The following BICC1 variants were observed in gnomAD, a reference collection of about 807,000 sequenced individuals.
BICC1 encodes BicC family RNA binding protein 1.
BICC1 carries 43 observed loss-of-function variants against 111.0 expected under a neutral mutation model. That is an observed-to-expected ratio of 0.39 (90% confidence interval 0.30 to 0.50). BICC1 has a LOEUF of 0.50. BICC1 is among the 20% of genes least tolerant of loss of function. BICC1 has a pLI of 0.88. For synonymous variants in BICC1, 467 were observed against 434.4 expected (o/e 1.07, Z -0.93); for missense variants, 1,091 against 1,203.2 (o/e 0.91, Z 1.38).
At chr10:58,756,840 C>G (rs879660377) in intron 3 of BICC1, among the ~76,000 whole-genome samples, 9 of 152,126 alleles carry the variant, frequency 5.9e-5, no homozygotes, top group Non-Finnish European at 1.3e-4. Context: ...AAAGCGATAA[C>G]TTTCTAGTCT....
intron 1 of BICC1, among the ~76,000 whole-genome samples, chr10:58,616,530 G>A (rs747719392): frequency 3.3e-5 from 5 of 152,194 alleles, no homozygotes; most frequent in Non-Finnish European, 7.3e-5. Context: ...GGAACTGGCT[G>A]AGGTTCGACT....
intron 1 of BICC1, among the ~76,000 whole-genome samples, chr10:58,590,137 A>G (rs1280330937): frequency 6.6e-6 from 1 of 152,212 alleles, no homozygotes; most frequent in African/African-American, 2.4e-5. Context: ...AGCATGGAGC[A>G]GAAGTCTTGA....
At chr10:58,671,530 G>A (rs1448658328) in intron 2 of BICC1, among the ~76,000 whole-genome samples, 1 of 152,132 alleles carries the variant, frequency 6.6e-6, no homozygotes, top group Non-Finnish European at 1.5e-5. Context: ...TGCCTTGGGT[G>A]TTACCTGTCT....
chr10:58,780,305 C>T (rs1184362976), intron 3 of BICC1, among the ~76,000 whole-genome samples: 1 of 152,144 alleles, frequency 6.6e-6, no homozygotes, highest in Non-Finnish European at 1.5e-5. Context: ...AAGTACAACT[C>T]TGATACGATA....
At chr10:58,754,724 T>A (rs1380734870) in intron 3 of BICC1, among the ~76,000 whole-genome samples, 2 of 151,436 alleles carry the variant, frequency 1.3e-5, no homozygotes, top group African/African-American at 4.9e-5. Context: ...CTGTACTGTA[T>A]GGGCTTTAGG....
chr10:58,552,300 A>G (rs1216136364), intron 1 of BICC1, among the ~76,000 whole-genome samples: 1 of 151,936 alleles, frequency 6.6e-6, no homozygotes, highest in Non-Finnish European at 1.5e-5. Flanking sequence ...TCAAACTGTA[A>G]TTACATTTTA....
intron 3 of BICC1, among the ~76,000 whole-genome samples, chr10:58,726,833 G>T (rs1841121901): frequency 6.6e-6 from 1 of 152,212 alleles, no homozygotes; most frequent in Middle Eastern, 3.4e-3. Flanking sequence ...CACAGTTGAT[G>T]GGAAATATCT....
At chr10:58,517,132 C>G (rs1378948365) in intron 1 of BICC1, among the ~76,000 whole-genome samples, 1 of 151,978 alleles carries the variant, frequency 6.6e-6, no homozygotes, top group Non-Finnish European at 1.5e-5. Context: ...TAGGTATTTT[C>G]AAAGTTTGGG....
intron 3 of BICC1, among the ~76,000 whole-genome samples, chr10:58,773,372 G>A (rs1381762670): frequency 2.0e-5 from 3 of 152,174 alleles, no homozygotes; most frequent in Non-Finnish European, 4.4e-5. Flanking sequence ...GTCTCACTCT[G>A]GCAGAAAACA....
chr10:58,745,903 TA>T (rs1841823472), intron 3 of BICC1, among the ~76,000 whole-genome samples: 1 of 152,080 alleles, frequency 6.6e-6, no homozygotes. Flanking sequence ...TTTGTGTTTT[TA>T]CCTCATGCTA....
At chr10:58,611,517 C>T (rs1323670563) in intron 1 of BICC1, among the ~76,000 whole-genome samples, 1 of 150,940 alleles carries the variant, frequency 6.6e-6, no homozygotes, top group Non-Finnish European at 1.5e-5. Flanking sequence ...GCACTGTTGC[C>T]CGGGCTGGAG....
chr10:58,535,762 C>T (rs753890973), intron 1 of BICC1, among the ~76,000 whole-genome samples: 3 of 151,570 alleles, frequency 2.0e-5, no homozygotes, highest in Admixed American at 1.3e-4. Flanking sequence ...TCTAAGTGCT[C>T]CATTAAAAGA....
intron 17 of BICC1, among the ~76,000 whole-genome samples, chr10:58,810,764 A>G (rs1173706370): frequency 6.6e-6 from 1 of 152,164 alleles, no homozygotes; most frequent in Admixed American, 6.6e-5. Context: ...TATGGCACTA[A>G]TATTTTTAAG....
intron 3 of BICC1, among the ~76,000 whole-genome samples, chr10:58,773,135 C>T (rs558746046): frequency 4.0e-4 from 61 of 152,152 alleles, no homozygotes; most frequent in African/African-American, 1.2e-3. Flanking sequence ...GATTCTCTGC[C>T]GTTGTTGTGA....
intron 2 of BICC1, among the ~76,000 whole-genome samples, chr10:58,683,882 A>G (rs1306951548): frequency 6.6e-6 from 1 of 152,154 alleles, no homozygotes; most frequent in Admixed American, 6.5e-5. Flanking sequence ...CTCCTGCCTG[A>G]TTGCCCTGGC....
intron 20 of BICC1, 21 bp from the exon 21 acceptor site, chr10:58,828,740 A>G (rs1346185093): frequency 1.9e-6 from 3 of 1,611,308 alleles, no homozygotes; most frequent in South Asian, 1.1e-5. Flanking sequence ...GCTCCTAACA[A>G]TTCTCTCTTT....
chr10:58,688,921 C>T (rs1839832667), intron 2 of BICC1, among the ~76,000 whole-genome samples: 1 of 152,076 alleles, frequency 6.6e-6, no homozygotes, highest in African/African-American at 2.4e-5. Flanking sequence ...GGAGAAATAC[C>T]TAATGTAGAT....
intron 1 of BICC1, among the ~76,000 whole-genome samples, chr10:58,524,295 A>G (rs1842471741): frequency 6.6e-6 from 1 of 152,214 alleles, no homozygotes; most frequent in South Asian, 2.1e-4. Flanking sequence ...CCTGACTTCA[A>G]ACTATACTAC....
intron 1 of BICC1, among the ~76,000 whole-genome samples, chr10:58,590,212 A>G (rs541889811): frequency 8.5e-5 from 13 of 152,288 alleles, no homozygotes; most frequent in East Asian, 1.9e-4. Context: ...TCTTTTATAC[A>G]TAAGTTGCCA....
Sources: allele counts gnomAD v4.1 joint callset (sites outside exome capture counted in the v4.1 genomes callset), GRCh38; gene constraint gnomAD v4.1.1; transcripts MANE v1.5; gene names NCBI Gene and HGNC (gene_info 2026-07-23, HGNC 2026-07-21).